MBD6: variants seen among roughly 807,000 people sequenced by gnomAD.
MBD6 encodes the protein methyl-CpG binding domain protein 6.
In MBD6, 22 loss-of-function variants were observed where a neutral mutation model predicts 66.8. The observed-to-expected ratio is 0.33, with a 90% confidence interval of 0.24 to 0.47. The LOEUF (loss-of-function observed/expected upper bound fraction) is 0.47, where lower values mean the gene tolerates loss of function less well. Ranked by LOEUF, MBD6 falls within the 20% of genes least tolerant of loss-of-function variation. The pLI is 1.00. For synonymous variants in MBD6, 540 were observed against 534.6 expected (o/e 1.01, Z -0.14); for missense variants, 1,322 against 1,286.9 (o/e 1.03, Z -0.42).
At chr12:57,522,087 C>T (rs532221783), upstream of MBD6, 1 of 151,806 alleles carries the variant, frequency 6.6e-6, no homozygotes, top group African/African-American at 2.4e-5. Context: ...TGTTACATAT[C>T]CTGTCATACC....
At position 57,527,546 on chromosome 12, in the gene MBD6, T is replaced by G. The variant is rs1284061490; in HGVS notation, c.2122T>G (p.Ser708Ala). ...LSAPQPGPPT[S>A]SVTTATTDPG... Reference sequence around the variant, plus strand: ...TGCCCCCCAACCTGGACCACCTACCTCCAGTGTCACCACGGCAACTACTGA... The same window carrying G: ...TGCCCCCCAACCTGGACCACCTACCGCCAGTGTCACCACGGCAACTACTGA... Residue 708 changes from serine (S) to alanine (A), a missense_variant, in exon 8 of 13, where the codon TCC becomes GCC. Physicochemically the swap from Ser to Ala is moderately conservative, Grantham distance 99. Transcript: ENST00000355673. 1 of 1,614,102 alleles carries G rather than the reference T, an allele frequency of 6.2e-7. No individual in the cohort carries two copies. The highest frequency in any genetic ancestry group is 2.2e-5 in the East Asian group (1 of 44,876).
At chr12:57,531,180 T>C (rs1325892503), downstream of MBD6, among the ~76,000 whole-genome samples, 6 of 152,224 alleles carry the variant, frequency 3.9e-5, no homozygotes, top group Non-Finnish European at 8.8e-5. Context: ...TGCTGGTCTC[T>C]CGACTTTAAT....
At position 57,525,362 on chromosome 12, in the gene MBD6, C is replaced by A. The variant is rs1384476536; in HGVS notation, c.394C>A (p.Pro132Thr). The A allele has an allele frequency of 5.1e-6, 8 of 1,564,114 alleles. No homozygotes were observed. The East Asian group carries it at 1.3e-4, about 26-fold the overall frequency. The change falls in exon 6 of 13, where the codon CCC becomes ACC. Residue 132 changes from proline to threonine, a missense_variant. By Grantham distance (38) the Pro-to-Thr change is conservative (BLOSUM62 -1). Coordinates refer to ENST00000355673, the MANE Select transcript of MBD6 (RefSeq NM_052897.4). ...SHSSPGEGAS[P>T]QMFHTVSPGP... ...ATTTATTGCAGGAGAGGGAGCGAGC[C>A]CCCAAATGTTCCACACTGTGTCCCC...
chr12:57,528,634 A>G, intron 10 of MBD6, 32 bp from the exon 11 acceptor site: 1 of 1,613,446 alleles, frequency 6.2e-7, no homozygotes, highest in Middle Eastern at 1.7e-4. Context: ...CTTTTTCGAA[A>G]TTTCCCACAC....
chr12:57,524,544 C>A, intron 3 of MBD6, 128 bp downstream of exon 3: 1 of 1,086,586 alleles, frequency 9.2e-7, no homozygotes, highest in Non-Finnish European at 1.4e-6. Context: ...CTTCCTCAGC[C>A]TTTTTGCTTT....
At position 57,526,706 on chromosome 12, in the gene MBD6, C is replaced by A; in HGVS notation, c.1561C>A (p.Pro521Thr). Residue 521 changes from proline (P) to threonine (T), a missense_variant, in exon 7 of 13, where the codon CCC becomes ACC. Coordinates refer to ENST00000355673, the MANE Select transcript of MBD6 (RefSeq NM_052897.4). ...GGCTGGTGGAGAGGCTTTCCCTTTCCCCAGCCCTGAGCAGGGCCTGGCACT... is the reference window on the plus strand; with the variant it reads ...GGCTGGTGGAGAGGCTTTCCCTTTCACCAGCCCTGAGCAGGGCCTGGCACT... ...PLAGGEAFPF[P>T]SPEQGLALSG... The A allele has an allele frequency of 6.5e-7, 1 of 1,544,844 alleles. No individual in the cohort carries two copies. The highest frequency in any genetic ancestry group is 2.3e-5 in the East Asian group (1 of 44,200).
chr12:57,528,372 C>G lies in MBD6; in HGVS notation c.2632C>G (p.Arg878Gly), dbSNP rs1594867515. Residue 878 changes from arginine (R) to glycine (G), a missense_variant, in exon 10 of 13, where the codon CGA becomes GGA. Coordinates refer to ENST00000355673, the MANE Select transcript of MBD6 (RefSeq NM_052897.4). ...TGGTGAGGCCAGGCCAGCCCGGGGC[C>G]GAAAGCCTGGCAGCCGGCGGGAGCC... ...INGEARPARG[R>G]KPGSRREPGR... 6.2e-7 allele frequency: 1 copy of G among 1,612,652 alleles called. No individual in the cohort carries two copies. Among genetic ancestry groups the G allele is most frequent in the East Asian group, 2.2e-5 (1 of 44,868 alleles).
At position 57,524,106 on chromosome 12, in the gene MBD6, T is replaced by C; in HGVS notation, c.-25+14T>C. On this transcript the variant is annotated intron_variant, in intron 2 of 12. Transcript: ENST00000355673. Reference sequence around the variant, plus strand: ...AGAGATGTTCAGGTAGCTGTGGTGATACGGCAGAGGACTCCTCAGTCTCCC... The same window carrying C: ...AGAGATGTTCAGGTAGCTGTGGTGACACGGCAGAGGACTCCTCAGTCTCCC... 2.3e-6 allele frequency: 1 copy of C among 428,442 alleles called. No homozygotes were observed. Among genetic ancestry groups the C allele is most frequent in the Non-Finnish European group, 4.1e-6 (1 of 241,184 alleles). 26.5% of individuals were successfully genotyped at this position (428,442 alleles called of 1,614,324 possible).
In MBD6 at chr12:57,527,525, C is replaced by T. The variant is rs1431336582; in HGVS notation, c.2101C>T (p.Pro701Ser). The change falls in exon 8 of 13, where the codon CCC becomes TCC. Residue 701 changes from proline (P) to serine (S), a missense_variant. Coordinates refer to ENST00000355673, the MANE Select transcript of MBD6 (RefSeq NM_052897.4). ...TPPQPCVLSA[P>S]QPGPPTSSVT... The stretch of plus-strand genomic sequence containing the variant: ...TTCTTAGCCCTGTGTCCTGAGTGCC[C>T]CCCAACCTGGACCACCTACCTCCAG... 1.2e-6 allele frequency: 2 copies of T among 1,614,094 alleles called. No homozygotes were observed. The highest frequency in any genetic ancestry group is 1.7e-5 in the Admixed American group (1 of 60,022).
At position 57,529,339 on chromosome 12, in the gene MBD6, C is replaced by A; in HGVS notation, c.*105C>A. The A allele has an allele frequency of 9.3e-7, 1 of 1,069,794 alleles. No individual in the cohort carries two copies. Among genetic ancestry groups the A allele is most frequent in the South Asian group, 1.3e-5 (1 of 74,240 alleles). 66.3% of individuals were successfully genotyped at this position (1,069,794 alleles called of 1,614,324 possible). A position where few individuals can be genotyped will look rare whatever the true frequency, so the allele number is the denominator to read the frequency against. Reference sequence around the variant, plus strand: ...CACCTGTGGACAGTGGGTGGGGGCACTACTCCCCACTCAGAGCACAAATGC... The same window carrying A: ...CACCTGTGGACAGTGGGTGGGGGCAATACTCCCCACTCAGAGCACAAATGC... On this transcript the variant is annotated 3_prime_UTR_variant, in exon 13 of 13. Coordinates refer to ENST00000355673, the MANE Select transcript of MBD6 (RefSeq NM_052897.4).
Position 57,525,714 on chromosome 12 carries a change from ATGCCTCC to A in MBD6, c.748_754del (p.Ala250ProfsTer16). 6.2e-7 allele frequency: 1 copy of A among 1,613,306 alleles called. No individual in the cohort carries two copies. ...GACCTGGGCTCTCCTCCGGCCCCTC[ATGCCTCC>A]TCCTCACCACCTTCAGACCCTCCTC... On this transcript the variant is annotated frameshift_variant, in exon 6 of 13. Transcript: ENST00000355673. LOFTEE classifies it high-confidence loss of function.
rs1177070187 is a variant in MBD6, at chr12:57,529,231, A to G, written c.3009A>G (p.Pro1003=). Residue 1003 remains proline, a synonymous_variant, in exon 13 of 13, where the codon CCA becomes CCG. Coordinates refer to ENST00000355673, the MANE Select transcript of MBD6 (RefSeq NM_052897.4). ...PAKNKRRKLA[P] ...AAAACAAGAGGAGGAAACTGGCCCC[A>G]TAGCAGCCATACCTGGAGCTGGATC... is the stretch of plus-strand genomic sequence containing the variant. The G allele has an allele frequency of 1.9e-6, 3 of 1,613,740 alleles. No individual in the cohort carries two copies. Among genetic ancestry groups the G allele is most frequent in the Non-Finnish European group, 1.7e-6 (2 of 1,179,980 alleles).
In MBD6 at chr12:57,529,354, A is replaced by G. The variant is rs1879365397; in HGVS notation, c.*120A>G. Reference sequence around the variant, plus strand: ...GGTGGGGGCACTACTCCCCACTCAGAGCACAAATGCAACTCCTTCCCCTAC... The same window carrying G: ...GGTGGGGGCACTACTCCCCACTCAGGGCACAAATGCAACTCCTTCCCCTAC... On this transcript the variant is annotated 3_prime_UTR_variant, in exon 13 of 13. Coordinates refer to ENST00000355673, the MANE Select transcript of MBD6 (RefSeq NM_052897.4). 1 of 906,306 alleles carries G rather than the reference A, an allele frequency of 1.1e-6. No homozygotes were observed. The highest frequency in any genetic ancestry group is 1.7e-6 in the Non-Finnish European group (1 of 587,234). The allele number at this position is 906,306 out of a possible 1,614,324, so 56.1% of individuals were successfully genotyped here.
upstream of MBD6, chr12:57,521,278 C>T (rs1320414520): frequency 1.3e-5 from 2 of 152,240 alleles, no homozygotes; most frequent in East Asian, 3.9e-4. Flanking sequence ...GCCTGACCAA[C>T]ATGGTGAAAC....
At position 57,527,860 on chromosome 12, in the gene MBD6, C is replaced by T. The variant is rs749697953; in HGVS notation, c.2249C>T (p.Ser750Leu). 8.1e-6 allele frequency: 13 copies of T among 1,613,538 alleles called. No homozygotes were observed. The Admixed American group carries it at 2.2e-4, about 27-fold the overall frequency. ...AATTTCTCAACAGGTGACCTGTCTT[C>T]ACTGACCAGCAGCCCTGGAGCCCTC... ...LGASLLGDLS[S>L]LTSSPGALPS... Residue 750 changes from serine to leucine, a missense_variant, in exon 9 of 13, where the codon TCA (serine) becomes TTA (leucine). Ser to Leu is a moderately radical substitution (Grantham distance 145, BLOSUM62 -2). Coordinates refer to ENST00000355673, the MANE Select transcript of MBD6 (RefSeq NM_052897.4).
chr12:57,525,180 G>A, intron 5 of MBD6, 65 bp downstream of exon 5: 1 of 1,565,886 alleles, frequency 6.4e-7, no homozygotes, highest in Non-Finnish European at 8.6e-7. Flanking sequence ...CTGGTGGTGG[G>A]AGGAGTTCCT....
chr12:57,521,472 AAAAAC>A (rs1012171288), upstream of MBD6: 1 of 152,416 alleles, frequency 6.6e-6, no homozygotes, highest in Admixed American at 6.5e-5. Context: ...ACCAAAAACA[AAAAAC>A]AAAACAAACA....
chr12:57,526,387 A>G lies in MBD6; in HGVS notation c.1419A>G (p.Pro473=), dbSNP rs766953595. The G allele has an allele frequency of 2.1e-5, 33 of 1,579,364 alleles. No individual in the cohort carries two copies. In the East Asian group the frequency reaches 6.9e-4, roughly 33 times the overall value. ...GTTSGSLSSV[P]GAPAPPAASK... ...CCAGTGGCAGCCTCAGCAGTGTGCC[A>G]GGTATGTGAGTATTGTGGAGCCCTT... The change falls in exon 6 of 13, where the codon CCA becomes CCG. Residue 473 remains proline (P), a splice_region_variant and synonymous_variant. Transcript: ENST00000355673.
At position 57,529,270 on chromosome 12, in the gene MBD6, G is replaced by C. The variant is rs756793690; in HGVS notation, c.*36G>C. The C allele has an allele frequency of 2.5e-6, 4 of 1,611,618 alleles. No individual in the cohort carries two copies. In the Admixed American group the frequency reaches 6.7e-5, roughly 27 times the overall value. ...TGGAGCTGGATCTGACCCTGATTGG[G>C]GAGAGCTGAGTGCTGAGCCTTGGGA... On this transcript the variant is annotated 3_prime_UTR_variant, in exon 13 of 13. Transcript: ENST00000355673.
Sources: gnomAD v4.1 joint callset for allele counts (sites outside exome capture counted in the v4.1 genomes callset) on GRCh38, gnomAD v4.1.1 for gene constraint, MANE v1.5 for transcripts, NCBI Gene and HGNC (gene_info 2026-07-23, HGNC 2026-07-21) for gene names.